The following BRIP1 variants were observed in gnomAD, a reference collection of about 807,000 sequenced individuals.
BRIP1 encodes BRCA1 interacting DNA helicase 1.
A neutral mutation model predicts 119.7 loss-of-function variants in BRIP1; 88 were observed. The observed-to-expected ratio is 0.74, with a 90% CI of 0.62 to 0.88. The LOEUF is 0.88. BRIP1 is among the 40% of genes least tolerant of loss of function. The probability of loss-of-function intolerance (pLI) is 0.00; values close to 1 mark genes in which losing one functional copy is unlikely to be tolerated. For missense variants in BRIP1, 1,259 were observed against 1,455.4 expected, an observed-to-expected ratio of 0.87 and a Z score of 2.20; for synonymous variants, 443 against 496.5, an observed-to-expected ratio of 0.89 and a Z score of 1.43.
Position 61,709,402 on chromosome 17 carries a change from C to CA in BRIP1, c.2492+6548dup, listed in dbSNP as rs1185285835. Among the ~76,000 whole-genome samples, 67 of 151,554 alleles carry CA rather than the reference C, an allele frequency of 4.4e-4. No individual in the cohort carries two copies. In the Middle Eastern group the frequency reaches 0.024, roughly 54 times the overall value. On this transcript the variant is annotated intron_variant, in intron 17 of 19. Transcript: ENST00000259008. This position sits in a 1 kb window ranked among gnomAD's most constrained non-coding sequence, Gnocchi z 5.0. ...TAAATGTTCAATTTTTCTACAAAGA[C>CA]AAAAAAAATCTAAATTTTATAGGGC...
Position 61,757,423 on chromosome 17 carries a change from C to A in BRIP1, c.2098-12832G>T, listed in dbSNP as rs1250568348. ...ATACTGCCCTAAAGTGAAAGTAAGA[C>A]CTCTGTTGGCAATCTAACTGGAAAT... On this transcript the variant is annotated intron_variant, in intron 14 of 19. Coordinates refer to ENST00000259008, the MANE Select transcript of BRIP1 (RefSeq NM_032043.3). The surrounding 1 kb of genome is among the most constrained non-coding windows in gnomAD (Gnocchi z 4.3). 2.6e-5 allele frequency among the ~76,000 whole-genome samples: 4 copies of A among 152,014 alleles called. No homozygotes were observed. The highest frequency in any genetic ancestry group is 2.9e-5 in the Non-Finnish European group (2 of 68,008).
rs2077187424 is a variant in BRIP1, at chr17:61,755,396, C to T, written c.2098-10805G>A. Among the ~76,000 whole-genome samples, 1 of 151,690 alleles carries T rather than the reference C, an allele frequency of 6.6e-6. No individual in the cohort carries two copies. Among genetic ancestry groups the T allele is most frequent in the Admixed American group, 6.6e-5 (1 of 15,192 alleles). On this transcript the variant is annotated intron_variant, in intron 14 of 19. Coordinates refer to ENST00000259008, the MANE Select transcript of BRIP1 (RefSeq NM_032043.3). The surrounding 1 kb of genome is among the most constrained non-coding windows in gnomAD (Gnocchi z 4.5). Reference sequence around the variant, plus strand: ...GCAACTTGGCAAAACCCTGTATCTACAAAAGTACAAAAATTAGCTGGGTGT... The same window carrying T: ...GCAACTTGGCAAAACCCTGTATCTATAAAAGTACAAAAATTAGCTGGGTGT...
intron 11 of BRIP1, among the ~76,000 whole-genome samples, chr17:61,781,797 T>C (rs1312797096): frequency 6.6e-6 from 1 of 151,570 alleles, no homozygotes; most frequent in Admixed American, 6.6e-5. Context: ...GGCAGTCGCC[T>C]GTAACCCCAG....
rs573190753 is a variant in BRIP1, at chr17:61,793,829, A to G, written c.1341-100T>C. The G allele has an allele frequency of 4.1e-6, 5 of 1,224,538 alleles. No homozygotes were observed. Among genetic ancestry groups the G allele is most frequent in the Admixed American group, 2.5e-5 (1 of 39,700 alleles). The allele number at this position is 1,224,538 out of a possible 1,614,324, so 75.9% of individuals were successfully genotyped here. On this transcript the variant is annotated intron_variant, in intron 9 of 19. Transcript: ENST00000259008. This position sits in a 1 kb window ranked among gnomAD's most constrained non-coding sequence, Gnocchi z 5.2. ...TCATTATTGTCATGCGTTGATCTGT[A>G]TATCTTGACATTCTTAGGACATGAA...
chr17:61,800,411 G>T (rs1280353777), intron 8 of BRIP1, among the ~76,000 whole-genome samples: 1 of 152,160 alleles, frequency 6.6e-6, no homozygotes, highest in Non-Finnish European at 1.5e-5. Context: ...CCAAAGAGGT[G>T]TCATCAAAAG....
chr17:61,796,446 G>A lies in BRIP1; in HGVS notation c.1340+2654C>T, dbSNP rs922443214. On this transcript the variant is annotated intron_variant, in intron 9 of 19. Transcript: ENST00000259008. This position sits in a 1 kb window ranked among gnomAD's most constrained non-coding sequence, Gnocchi z 4.8. ...TGATTTTTGTTAATGGTGAAAGATAGGGGTCTTGTTTTATTCTCCTGTAGA... is the reference window on the plus strand; with the variant it reads ...TGATTTTTGTTAATGGTGAAAGATAAGGGTCTTGTTTTATTCTCCTGTAGA... 1.3e-5 allele frequency among the ~76,000 whole-genome samples: 2 copies of A among 152,018 alleles called. No homozygotes were observed. Among genetic ancestry groups the A allele is most frequent in the African/African-American group, 4.8e-5 (2 of 41,424 alleles).
rs1567877037 is a variant in BRIP1, at chr17:61,859,877, A to G, written c.124T>C (p.Cys42Arg). 1 of 1,613,634 alleles carries G rather than the reference A, an allele frequency of 6.2e-7. No homozygotes were observed. Among genetic ancestry groups the G allele is most frequent in the Non-Finnish European group, 8.5e-7 (1 of 1,179,582 alleles). Residue 42 changes from cysteine to arginine, a missense_variant, in exon 3 of 20, where the codon TGT (cysteine) becomes CGT (arginine). Cys to Arg is a radical substitution (Grantham distance 180). This residue lies in a region of BRIP1 where 501 missense variants were observed against 544.0 expected (regional missense o/e 0.92). Coordinates refer to ENST00000259008, the MANE Select transcript of BRIP1 (RefSeq NM_032043.3). ...CTTCCTGTGGGACTCTCCAACAAACAATGTTGCTTGCTGTTTAATCCTCTG... is the reference window on the plus strand; with the variant it reads ...CTTCCTGTGGGACTCTCCAACAAACGATGTTGCTTGCTGTTTAATCCTCTG... ...ILRGLNSKQH[C>R]LLESPTGSGK...
Position 61,801,249 on chromosome 17 carries a change from TC to T in BRIP1, c.1140+3del, listed in dbSNP as rs2145331108. 1 of 1,606,150 alleles carries T rather than the reference TC, an allele frequency of 6.2e-7. No individual in the cohort carries two copies. Among genetic ancestry groups the T allele is most frequent in the South Asian group, 1.1e-5 (1 of 90,932 alleles). On this transcript the variant is annotated splice_donor_region_variant and intron_variant, in intron 8 of 19. Coordinates refer to ENST00000259008, the MANE Select transcript of BRIP1 (RefSeq NM_032043.3). ...AAGGTTCTCATTTTTACACATATACTCACACTTTCCCTTATTTGTGCATCTA... is the reference window on the plus strand; with the variant it reads ...AAGGTTCTCATTTTTACACATATACTACACTTTCCCTTATTTGTGCATCTA...
intron 17 of BRIP1, among the ~76,000 whole-genome samples, chr17:61,698,635 C>G (rs757294550): frequency 1.3e-5 from 2 of 151,970 alleles, no homozygotes; most frequent in Non-Finnish European, 2.9e-5. Context: ...ATGCTTTTTG[C>G]TAGATGTGTT....
chr17:61,820,907 G>A (rs906567590), intron 6 of BRIP1, among the ~76,000 whole-genome samples: 1 of 150,422 alleles, frequency 6.6e-6, no homozygotes, highest in Non-Finnish European at 1.5e-5. Context: ...CTGAGATCCC[G>A]CTATTGCACT....
chr17:61,683,747 T>A lies in BRIP1; in HGVS notation c.3299A>T (p.Asp1100Val), dbSNP rs864622072. Reference protein sequence around the residue: ...EHPLCSEEALDPDIELSLVSE... With the variant: ...EHPLCSEEALVPDIELSLVSE... ...TACTAGAGACAATTCAATGTCTGGATCCAGGGCTTCTTCAGAACAGAGCGG... is the reference window on the plus strand; with the variant it reads ...TACTAGAGACAATTCAATGTCTGGAACCAGGGCTTCTTCAGAACAGAGCGG... Residue 1100 changes from aspartate to valine, a missense_variant, in exon 20 of 20, where the codon GAT (aspartate) becomes GTT (valine). Transcript: ENST00000259008. The surrounding 1 kb of genome is among the most constrained non-coding windows in gnomAD (Gnocchi z 4.7). 6.2e-7 allele frequency: 1 copy of A among 1,614,154 alleles called. No homozygotes were observed. The highest frequency in any genetic ancestry group is 1.3e-5 in the African/African-American group (1 of 75,050).
In BRIP1 at chr17:61,815,324, T is replaced by C. The variant is rs1371704420; in HGVS notation, c.628-6567A>G. Among the ~76,000 whole-genome samples, 1 of 152,150 alleles carries C rather than the reference T, an allele frequency of 6.6e-6. No individual in the cohort carries two copies. The highest frequency in any genetic ancestry group is 2.4e-5 in the African/African-American group (1 of 41,440). On this transcript the variant is annotated intron_variant, in intron 6 of 19. Transcript: ENST00000259008. The surrounding 1 kb of genome is among the most constrained non-coding windows in gnomAD (Gnocchi z 4.1). ...CAATTTTGTGTGCATTTTTAGAAAGTGAACCCCTAACTTTAATCAAGTGCT... is the reference window on the plus strand; with the variant it reads ...CAATTTTGTGTGCATTTTTAGAAAGCGAACCCCTAACTTTAATCAAGTGCT...
Position 61,780,984 on chromosome 17 carries a change from AATTTT to A in BRIP1, c.1645_1649del (p.Lys549CysfsTer13). ...TCCAGGAGTAAGTCTGTTGAATCGC[AATTTT>A]ATAATCATCTGCAAATCTAGATGCA... is the stretch of plus-strand genomic sequence containing the variant. On this transcript the variant is annotated frameshift_variant, in exon 12 of 20. Transcript: ENST00000259008. LOFTEE classifies it high-confidence loss of function. The surrounding 1 kb of genome is among the most constrained non-coding windows in gnomAD (Gnocchi z 5.4). 1 of 1,613,976 alleles carries A rather than the reference AATTTT, an allele frequency of 6.2e-7. No homozygotes were observed. The highest frequency in any genetic ancestry group is 8.5e-7 in the Non-Finnish European group (1 of 1,180,022).
rs1422324478 is a variant in BRIP1, at chr17:61,776,873, G to C, written c.1936-311C>G. Among the ~76,000 whole-genome samples, 1 of 152,162 alleles carries C rather than the reference G, an allele frequency of 6.6e-6. No homozygotes were observed. Among genetic ancestry groups the C allele is most frequent in the Non-Finnish European group, 1.5e-5 (1 of 68,014 alleles). On this transcript the variant is annotated intron_variant, in intron 13 of 19. Coordinates refer to ENST00000259008, the MANE Select transcript of BRIP1 (RefSeq NM_032043.3). This position sits in a 1 kb window ranked among gnomAD's most constrained non-coding sequence, Gnocchi z 5.0. ...ACAAATTTTTGTTAGGTGAATAAAT[G>C]AACAAGTGAAATGATGAATATATAC...
Position 61,748,570 on chromosome 17 carries a change from T to C in BRIP1, c.2098-3979A>G, listed in dbSNP as rs373650624. Among the ~76,000 whole-genome samples the C allele has an allele frequency of 8.9e-4, 135 of 152,240 alleles. No individual in the cohort carries two copies. The highest frequency in any genetic ancestry group is 2.9e-3 in the African/African-American group (122 of 41,528). On this transcript the variant is annotated intron_variant, in intron 14 of 19. Transcript: ENST00000259008. This position sits in a 1 kb window ranked among gnomAD's most constrained non-coding sequence, Gnocchi z 4.7. ...CATCGTGCTTCATGACACTTACATC[T>C]TACAAACCCACCATAATCAAAATAG...
chr17:61,731,981 C>CTTTTTTTTTTT (rs71299809), intron 16 of BRIP1, among the ~76,000 whole-genome samples: 22 of 83,004 alleles, frequency 2.7e-4, no homozygotes, highest in South Asian at 1.0e-3. Flanking sequence ...TTCTTTCTTT[C>CTTTTTTTTTTT]TTTTTTTTTT....
At position 61,687,706 on chromosome 17, in the gene BRIP1, G is replaced by T. The variant is rs2061382056; in HGVS notation, c.2576-1541C>A. Among the ~76,000 whole-genome samples, 1 of 151,954 alleles carries T rather than the reference G, an allele frequency of 6.6e-6. No homozygotes were observed. The highest frequency in any genetic ancestry group is 2.4e-5 in the African/African-American group (1 of 41,354). On this transcript the variant is annotated intron_variant, in intron 18 of 19. Coordinates refer to ENST00000259008, the MANE Select transcript of BRIP1 (RefSeq NM_032043.3). This position sits in a 1 kb window ranked among gnomAD's most constrained non-coding sequence, Gnocchi z 5.1. ...ACTCCTGGTATTGACTCTGAAAACT[G>T]TTTACTGTTGGATGAAACCATCGAG... is the stretch of plus-strand genomic sequence containing the variant.
At position 61,795,644 on chromosome 17, in the gene BRIP1, C is replaced by G. The variant is rs1376722561; in HGVS notation, c.1341-1915G>C. Among the ~76,000 whole-genome samples, 1 of 152,038 alleles carries G rather than the reference C, an allele frequency of 6.6e-6. No homozygotes were observed. The highest frequency in any genetic ancestry group is 2.4e-5 in the African/African-American group (1 of 41,408). On this transcript the variant is annotated intron_variant, in intron 9 of 19. Transcript: ENST00000259008. The surrounding 1 kb of genome is among the most constrained non-coding windows in gnomAD (Gnocchi z 5.6). ...GTATATGTAACCACATTTTCTTTAT[C>G]CATTCATCTGTTGATGGACATTTAG... is the stretch of plus-strand genomic sequence containing the variant.
rs1040517664 is a variant in BRIP1, at chr17:61,774,653, C to T, written c.2097+1748G>A. Among the ~76,000 whole-genome samples, 2 of 152,046 alleles carry T rather than the reference C, an allele frequency of 1.3e-5. No homozygotes were observed. The highest frequency in any genetic ancestry group is 4.8e-5 in the African/African-American group (2 of 41,414). ...AGCCACAAAAAAATTAAACAAAAAC[C>T]TGCAGAACAATTAATTTCGCAATCA... On this transcript the variant is annotated intron_variant, in intron 14 of 19. Transcript: ENST00000259008. The surrounding 1 kb of genome is among the most constrained non-coding windows in gnomAD (Gnocchi z 5.8).
Sources: allele counts gnomAD v4.1 joint callset (sites outside exome capture counted in the v4.1 genomes callset), GRCh38; gene constraint gnomAD v4.1.1; regional missense constraint gnomAD v4.1.1; non-coding constraint Gnocchi (gnomAD v3.1); transcripts MANE v1.5; gene names NCBI Gene and HGNC (gene_info 2026-07-23, HGNC 2026-07-21).